CSMD1: variants seen among roughly 807,000 people sequenced by gnomAD.
CSMD1 encodes the protein CUB and Sushi multiple domains 1.
A neutral mutation model predicts 417.5 loss-of-function variants in CSMD1; 213 were observed. The ratio of observed to expected loss-of-function variants is 0.51; its 90% confidence interval spans 0.46 to 0.57. CSMD1 has a LOEUF of 0.57. CSMD1 is among the 20% of genes least tolerant of loss of function. CSMD1 has a pLI of 0.00. For synonymous variants in CSMD1, 2,862 were observed against 1,736.8 expected (o/e 1.65, Z -16.11); for missense variants, 6,923 against 4,529.7 (o/e 1.53, Z -15.17).
At chr8:4,405,410 G>C (rs1194998425) in intron 3 of CSMD1, among the ~76,000 whole-genome samples, 1 of 151,966 alleles carries the variant, frequency 6.6e-6, no homozygotes, top group Non-Finnish European at 1.5e-5. Context: ...ACATAAGCGA[G>C]TTTCTTAACC....
At chr8:4,317,607 GA>G in intron 3 of CSMD1, among the ~76,000 whole-genome samples, 1 of 164 alleles carries the variant, frequency 6.1e-3, no homozygotes, top group East Asian at 0.17. Context: ...AGAGAGGGGA[GA>G]GAGAGAGAAA....
chr8:4,525,285 T>A (rs149838112), intron 2 of CSMD1, among the ~76,000 whole-genome samples: 1 of 152,254 alleles, frequency 6.6e-6, no homozygotes, highest in Non-Finnish European at 1.5e-5. Flanking sequence ...CACTCTGTAG[T>A]ATGGTCTGTA....
At chr8:4,251,245 C>A (rs1204315260) in intron 3 of CSMD1, among the ~76,000 whole-genome samples, 1 of 152,032 alleles carries the variant, frequency 6.6e-6, no homozygotes, top group Non-Finnish European at 1.5e-5. Flanking sequence ...GTTTCCCTCA[C>A]CAATCACATG....
At chr8:4,085,003 T>C (rs1206025309) in intron 3 of CSMD1, among the ~76,000 whole-genome samples, 1 of 149,864 alleles carries the variant, frequency 6.7e-6, no homozygotes, top group Admixed American at 6.6e-5. Context: ...TGACAGGGAA[T>C]TTAGATTTTT....
intron 5 of CSMD1, among the ~76,000 whole-genome samples, chr8:3,971,144 T>C (rs892209543): frequency 4.7e-5 from 7 of 149,098 alleles, no homozygotes; most frequent in African/African-American, 1.7e-4. Context: ...GTGTTAAATA[T>C]TCTATTTACG....
At chr8:4,685,633 C>T (rs533242830) in intron 1 of CSMD1, among the ~76,000 whole-genome samples, 66 of 152,136 alleles carry the variant, frequency 4.3e-4, no homozygotes, top group Middle Eastern at 3.4e-3. Context: ...CACCATCACA[C>T]CATGTACTTC....
intron 10 of CSMD1, among the ~76,000 whole-genome samples, chr8:3,554,859 G>T (rs1260798596): frequency 6.6e-6 from 1 of 152,150 alleles, no homozygotes; most frequent in Non-Finnish European, 1.5e-5. Flanking sequence ...ACAGCCAGCA[G>T]GCAGGGAGCC....
At chr8:4,240,102 C>G (rs962935131) in intron 3 of CSMD1, among the ~76,000 whole-genome samples, 2 of 152,114 alleles carry the variant, frequency 1.3e-5, no homozygotes, top group Non-Finnish European at 2.9e-5. Flanking sequence ...AATACTAAAC[C>G]AAATGTTGAT....
At chr8:4,414,094 G>A (rs138427506) in intron 3 of CSMD1, among the ~76,000 whole-genome samples, 3 of 152,186 alleles carry the variant, frequency 2.0e-5, no homozygotes, top group South Asian at 2.1e-4. Context: ...TTTAATTCAG[G>A]TGGAGTTTGG....
intron 65 of CSMD1, 82 bp from the exon 66 acceptor site, chr8:2,951,357 T>C (rs1291327947): frequency 3.4e-5 from 47 of 1,389,634 alleles, no homozygotes; most frequent in East Asian, 5.0e-5. Flanking sequence ...GAAGGCATCA[T>C]ACTGCTTAGC....
Position 3,284,059 on chromosome 8 carries a change from G to A in CSMD1, c.4153+85C>T, listed in dbSNP as rs546060294. On this transcript the variant is annotated intron_variant, in intron 26 of 69. Coordinates refer to ENST00000635120, the MANE Select transcript of CSMD1 (RefSeq NM_033225.6). ...ATAAATTGCATCTGTGTAAGGAGAC[G>A]CTGGTGAATATAAATGGAGGGAGAT... The A allele has an allele frequency of 1.9e-5, 21 of 1,110,696 alleles. No homozygotes were observed. In the East Asian group the frequency reaches 4.6e-4, roughly 25 times the overall value. 68.8% of individuals were successfully genotyped at this position (1,110,696 alleles called of 1,614,324 possible). A position where few individuals can be genotyped will look rare whatever the true frequency, so the allele number is the denominator to read the frequency against.
rs544258391 is a variant in CSMD1 at position 4,658,985 on chromosome 8, C to G, written c.86-21427G>C. ...GTAATGTCTGTGGTAACCACGAAGG[C>G]AATAACTGAAAACAATACATAAAGG... On this transcript the variant is annotated intron_variant, in intron 1 of 69. Transcript: ENST00000635120. Among the ~76,000 whole-genome samples the G allele has an allele frequency of 2.0e-5, 3 of 151,986 alleles. No homozygotes were observed. The South Asian group carries it at 6.2e-4, about 32-fold the overall frequency.
intron 3 of CSMD1, among the ~76,000 whole-genome samples, chr8:4,153,855 A>G (rs542940183): frequency 6.6e-6 from 1 of 152,238 alleles, no homozygotes; most frequent in Non-Finnish European, 1.5e-5. Context: ...GACCGTAGCT[A>G]TGTGGCTTTC....
chr8:4,438,465 A>G (rs1026688426), intron 2 of CSMD1, among the ~76,000 whole-genome samples: 1 of 152,172 alleles, frequency 6.6e-6, no homozygotes, highest in African/African-American at 2.4e-5. Context: ...GACATGTGGC[A>G]ATGGACCAAC....
At chr8:4,241,978 C>A (rs1444413004) in intron 3 of CSMD1, among the ~76,000 whole-genome samples, 1 of 152,150 alleles carries the variant, frequency 6.6e-6, no homozygotes, top group African/African-American at 2.4e-5. Flanking sequence ...GATTAACATG[C>A]CAACAGTGCT....
intron 1 of CSMD1, among the ~76,000 whole-genome samples, chr8:4,973,504 CT>C (rs1810366008): frequency 6.6e-6 from 1 of 152,080 alleles, no homozygotes; most frequent in Non-Finnish European, 1.5e-5. Flanking sequence ...ACCATAGAAA[CT>C]TTGTTGAATT....
At chr8:3,566,665 G>C (rs1006721582) in intron 10 of CSMD1, among the ~76,000 whole-genome samples, 1 of 151,964 alleles carries the variant, frequency 6.6e-6, no homozygotes, top group Non-Finnish European at 1.5e-5. Context: ...CAGCTAAGAA[G>C]CATATTAAAA....
intron 5 of CSMD1, among the ~76,000 whole-genome samples, chr8:3,770,568 G>A (rs187280962): frequency 1.3e-5 from 2 of 151,992 alleles, no homozygotes; most frequent in African/African-American, 4.8e-5. Flanking sequence ...GAACATAATA[G>A]GAACATTAAG....
chr8:3,504,386 T>C (rs967419196), intron 10 of CSMD1, among the ~76,000 whole-genome samples: 2 of 152,186 alleles, frequency 1.3e-5, no homozygotes, highest in Non-Finnish European at 2.9e-5. Context: ...ATGAGAATGA[T>C]GCCGATTTCC....
Sources: gnomAD v4.1 joint callset for allele counts (sites outside exome capture counted in the v4.1 genomes callset) on GRCh38, gnomAD v4.1.1 for gene constraint, MANE v1.5 for transcripts, NCBI Gene and HGNC (gene_info 2026-07-23, HGNC 2026-07-21) for gene names.